Variants in MIA2 observed in about 807,000 individuals in gnomAD.
MIA2 encodes the protein melanoma inhibitory activity protein 2.
A neutral mutation model predicts 167.8 loss-of-function variants in MIA2; 127 were observed. The ratio of observed to expected loss-of-function variants is 0.76; its 90% confidence interval spans 0.66 to 0.88. The LOEUF is 0.88. Ranked by LOEUF, MIA2 falls within the 40% of genes least tolerant of loss-of-function variation. MIA2 has a pLI of 0.00. For synonymous variants in MIA2, 552 were observed against 541.9 expected, an observed-to-expected ratio of 1.02 and a Z score of -0.26; for missense variants, 1,690 against 1,624.7, an observed-to-expected ratio of 1.04 and a Z score of -0.69.
At position 39,280,847 on chromosome 14, in the gene MIA2, A is replaced by G. The variant is rs112512732; in HGVS notation, c.2130+1310A>G. ...ATTTGTCTAGGTGTGGTTTTTTTCT[A>G]TTTGTCCTTATTGGGGTTTATGATG... On this transcript the variant is annotated intron_variant, in intron 9 of 28. Transcript: ENST00000640607. Among the ~76,000 whole-genome samples the G allele has an allele frequency of 3.4e-3, 459 of 133,430 alleles. 4 individuals are homozygous for G. The highest frequency in any genetic ancestry group is 0.012 in the African/African-American group (416 of 35,978). 87.5% of individuals were successfully genotyped at this position (133,430 alleles called of 152,430 possible).
intron 23 of MIA2, among the ~76,000 whole-genome samples, chr14:39,363,200 T>C (rs1307249944): frequency 1.3e-5 from 2 of 152,224 alleles, no homozygotes; most frequent in Non-Finnish European, 2.9e-5. Context: ...TCTGTAAATA[T>C]CTGTTATGTC....
intron 6 of MIA2, among the ~76,000 whole-genome samples, chr14:39,264,544 T>C (rs35184650): frequency 0.27 from 41,096 of 152,066 alleles, 5,766 homozygotes; most frequent in East Asian, 0.5. Flanking sequence ...CCTCTTTGAG[T>C]TCTAATGTTT....
At chr14:39,359,429 G>T (rs949721239) in intron 23 of MIA2, among the ~76,000 whole-genome samples, 27 of 152,152 alleles carry the variant, frequency 1.8e-4, no homozygotes, top group Admixed American at 6.5e-4. Context: ...GGAGTGACCC[G>T]ATTTTCCAGG....
chr14:39,300,866 T>C (rs532071211), intron 14 of MIA2, among the ~76,000 whole-genome samples: 2 of 152,126 alleles, frequency 1.3e-5, no homozygotes, highest in South Asian at 2.1e-4. Flanking sequence ...ATGTTGCTAC[T>C]AAGAATATTT....
intron 19 of MIA2, 120 bp from the exon 20 acceptor site, chr14:39,314,619 T>G (rs1267412531): frequency 2.0e-5 from 9 of 441,680 alleles, no homozygotes; most frequent in South Asian, 7.1e-5. Context: ...AGTTTTTTTT[T>G]TTTTTTTTTT....
At chr14:39,366,886 T>G (rs1390693557) in intron 23 of MIA2, among the ~76,000 whole-genome samples, 1 of 152,170 alleles carries the variant, frequency 6.6e-6, no homozygotes, top group Non-Finnish European at 1.5e-5. Context: ...GAGGACAAAC[T>G]TCAACCTCTG....
chr14:39,351,122 G>C (rs1349756152), downstream of MIA2: 1 of 152,064 alleles, frequency 6.6e-6, no homozygotes, highest in Admixed American at 6.5e-5. Context: ...GTCATGTTAA[G>C]CTTCTTGCAC....
At chr14:39,287,530 A>G (rs1453112500) in intron 9 of MIA2, among the ~76,000 whole-genome samples, 1 of 149,776 alleles carries the variant, frequency 6.7e-6, no homozygotes, top group African/African-American at 2.5e-5. Context: ...CTTTCTTTTT[A>G]TTTTTTTTCA....
At chr14:39,360,767 C>T (rs1251454992) in intron 23 of MIA2, among the ~76,000 whole-genome samples, 1 of 152,124 alleles carries the variant, frequency 6.6e-6, no homozygotes, top group Admixed American at 6.6e-5. Flanking sequence ...CTTATATTTT[C>T]TTCTAGTAGT....
chr14:39,369,857 T>G (rs2074899556), intron 23 of MIA2, among the ~76,000 whole-genome samples: 1 of 152,260 alleles, frequency 6.6e-6, no homozygotes, highest in African/African-American at 2.4e-5. Context: ...CCCCCCTATG[T>G]TGGCAGTTGT....
chr14:39,376,148 T>A (rs150399564), intron 23 of MIA2, among the ~76,000 whole-genome samples: 6,085 of 152,062 alleles, frequency 0.04, 164 homozygotes, highest in Non-Finnish European at 0.06. Flanking sequence ...GAGATGGGGT[T>A]TTGCCATGTT....
intron 6 of MIA2, among the ~76,000 whole-genome samples, chr14:39,275,035 G>A (rs941331041): frequency 1.2e-4 from 18 of 146,952 alleles, no homozygotes; most frequent in Non-Finnish European, 2.1e-4. Flanking sequence ...ACACGGTGCC[G>A]CTGTACTCCA....
intron 23 of MIA2, chr14:39,385,630 A>C (rs1567065665): frequency 1.2e-6 from 1 of 837,080 alleles, no homozygotes. Context: ...GGGGCTTAAT[A>C]TTCTTCTGGA....
intron 9 of MIA2, 126 bp from the exon 10 acceptor site, chr14:39,290,893 A>C: frequency 1.1e-6 from 1 of 871,884 alleles, no homozygotes; most frequent in Non-Finnish European, 1.8e-6. Flanking sequence ...ACTTAAAGCT[A>C]AGTAAATCCA....
intron 17 of MIA2, among the ~76,000 whole-genome samples, chr14:39,306,561 C>T (rs1252014207): frequency 1.3e-5 from 2 of 152,126 alleles, no homozygotes; most frequent in South Asian, 2.1e-4. Context: ...TCCCATCTGG[C>T]CCCACCTCTA....
chr14:39,237,221 G>A, intron 2 of MIA2, 166 bp downstream of exon 2: 1 of 762,058 alleles, frequency 1.3e-6, no homozygotes, highest in South Asian at 1.5e-5. Flanking sequence ...TCCAACTCCT[G>A]AGCTCAAGCC....
intron 23 of MIA2, among the ~76,000 whole-genome samples, chr14:39,319,519 TG>T (rs2066043071): frequency 6.6e-6 from 1 of 151,974 alleles, no homozygotes; most frequent in Admixed American, 6.6e-5. Context: ...AGTGGGATTT[TG>T]TAAGATGATA....
intron 6 of MIA2, among the ~76,000 whole-genome samples, chr14:39,259,698 GTTT>G (rs10556014): frequency 0.015 from 1,760 of 115,368 alleles, 24 homozygotes; most frequent in African/African-American, 0.024. Context: ...GCCTGGCTAG[GTTT>G]TTTTTTTTTT....
intron 26 of MIA2, among the ~76,000 whole-genome samples, chr14:39,346,730 G>C (rs189310353): frequency 8.5e-4 from 126 of 149,074 alleles, no homozygotes; most frequent in African/African-American, 3.0e-3. Flanking sequence ...TGACATAGTA[G>C]ACTATATAAT....
Sources: gnomAD v4.1 joint callset for allele counts (sites outside exome capture counted in the v4.1 genomes callset) on GRCh38, gnomAD v4.1.1 for gene constraint, MANE v1.5 for transcripts, NCBI Gene and HGNC (gene_info 2026-07-23, HGNC 2026-07-21) for gene names.